Variants in ACOT8 observed in about 807,000 individuals in gnomAD.
The protein encoded by ACOT8 is acyl-coenzyme A thioesterase 8.
ACOT8 carries 31 observed loss-of-function variants against 38.4 expected under a neutral mutation model. The observed-to-expected ratio is 0.81, with a 90% CI of 0.61 to 1.09. The LOEUF (loss-of-function observed/expected upper bound fraction) is 1.09, where lower values mean the gene tolerates loss of function less well. Among genes scored for constraint, ACOT8 ranks in the 50% least tolerant of loss-of-function variants. The probability of loss-of-function intolerance (pLI) is 0.00; values close to 1 mark genes in which losing one functional copy is unlikely to be tolerated. For synonymous variants in ACOT8, 158 were observed against 170.3 expected (o/e 0.93, Z 0.56); for missense variants, 373 against 421.8 (o/e 0.88, Z 1.01).
chr20:45,857,226 G>C lies in ACOT8; in HGVS notation c.90C>G (p.Thr30=), dbSNP rs776224782. Residue 30 remains threonine (T), a synonymous_variant, in exon 1 of 6, where the codon ACC becomes ACG. Coordinates refer to ENST00000217455, the MANE Select transcript of ACOT8 (RefSeq NM_005469.4). ...CGTCCAGCGGCTCGAGGTTGAGCAC[G>C]GTCGTGACCAAGACGCTACGGAGGT... ...PGDLRSVLVT[T]VLNLEPLDED... The C allele has an allele frequency of 3.1e-6, 5 of 1,613,668 alleles. No homozygotes were observed. In the South Asian group the frequency reaches 5.5e-5, roughly 18 times the overall value.
intron 2 of ACOT8, among the ~76,000 whole-genome samples, chr20:45,854,303 G>T (rs185605388): frequency 2.3e-5 from 3 of 132,960 alleles, no homozygotes; most frequent in Admixed American, 7.3e-5. Context: ...TCCGCCTTCC[G>T]GGTTCACACC....
intron 2 of ACOT8, among the ~76,000 whole-genome samples, chr20:45,853,226 AAAG>A (rs1985177852): frequency 6.6e-6 from 1 of 152,254 alleles, no homozygotes; most frequent in Non-Finnish European, 1.5e-5. Context: ...AGAGCGAAGC[AAAG>A]AAGCAGGAAA....
rs754407700 is a variant in ACOT8 at position 45,848,609 on chromosome 20, C to A, written c.329G>T (p.Arg110Leu). The A allele has an allele frequency of 6.2e-7, 1 of 1,613,772 alleles. No homozygotes were observed. The highest frequency in any genetic ancestry group is 2.2e-5 in the East Asian group (1 of 44,870). Residue 110 changes from arginine (R) to leucine (L), a missense_variant, in exon 3 of 6, where the codon CGC (arginine) becomes CTC (leucine). By Grantham distance (102) the Arg-to-Leu change is moderately radical (BLOSUM62 -2). Coordinates refer to ENST00000217455, the MANE Select transcript of ACOT8 (RefSeq NM_005469.4). The part of the protein sequence containing the change: ...RTRTGSSFSV[R>L]SVKAVQHGKP... ...CCCATGTTGCACGGCCTTCACAGAG[C>A]GCACCGAGAAGCTCGACCCTGTTCG...
intron 5 of ACOT8, 168 bp downstream of exon 5, chr20:45,843,359 C>T (rs886792316): frequency 2.1e-5 from 19 of 918,984 alleles, no homozygotes; most frequent in African/African-American, 1.5e-4. Flanking sequence ...GCAGGTGTCC[C>T]GGCCTCACCC....
chr20:45,842,729 A>G, intron 5 of ACOT8: 1 of 989,486 alleles, frequency 1.0e-6, no homozygotes, highest in Non-Finnish European at 1.2e-6. Context: ...TGAAATCCAG[A>G]GAGGGTCAGG....
intron 2 of ACOT8, chr20:45,853,986 TG>T (rs1407829500): frequency 2.3e-6 from 3 of 1,303,646 alleles, no homozygotes; most frequent in South Asian, 2.5e-5. Context: ...GCATCTGCTC[TG>T]GGGGTAACAG....
intron 2 of ACOT8, among the ~76,000 whole-genome samples, chr20:45,849,804 G>T (rs947953379): frequency 4.0e-4 from 61 of 152,138 alleles, no homozygotes; most frequent in Non-Finnish European, 1.5e-4. Context: ...TTTTGGCAGA[G>T]ACTTAGAGGC....
chr20:45,847,346 G>A (rs941197390), intron 3 of ACOT8, among the ~76,000 whole-genome samples: 2 of 152,240 alleles, frequency 1.3e-5, no homozygotes, highest in South Asian at 2.1e-4. Flanking sequence ...GGGCCTGGGG[G>A]AGAGAGGGAA....
chr20:45,853,836 A>G (rs1198821967), intron 2 of ACOT8: 5 of 1,045,430 alleles, frequency 4.8e-6, no homozygotes, highest in African/African-American at 1.7e-5. Flanking sequence ...ACAGTATGAA[A>G]AAGTGTATTT....
intron 4 of ACOT8, 158 bp downstream of exon 4, chr20:45,844,104 AG>A: frequency 9.6e-7 from 1 of 1,038,256 alleles, no homozygotes; most frequent in South Asian, 1.4e-5. Context: ...CCCCATGCAA[AG>A]GGCTGAGAGG....
At chr20:45,853,375 C>G (rs1269024728) in intron 2 of ACOT8, 1 of 152,242 alleles carries the variant, frequency 6.6e-6, no homozygotes, top group Non-Finnish European at 1.5e-5. Flanking sequence ...GCCTGCCACC[C>G]ATGTTTACTT....
intron 5 of ACOT8, chr20:45,842,653 GCTCA>G: frequency 1.0e-6 from 1 of 990,708 alleles, no homozygotes; most frequent in Non-Finnish European, 1.2e-6. Flanking sequence ...ACATAGCAGA[GCTCA>G]CTCAGTTCTC....
intron 2 of ACOT8, among the ~76,000 whole-genome samples, chr20:45,849,333 G>A (rs1871222639): frequency 6.6e-6 from 1 of 152,162 alleles, no homozygotes; most frequent in African/African-American, 2.4e-5. Flanking sequence ...CACCCAGGCT[G>A]GAGTACAGTG....
chr20:45,856,398 G>A (rs1183768602), intron 1 of ACOT8, among the ~76,000 whole-genome samples: 2 of 152,206 alleles, frequency 1.3e-5, no homozygotes, highest in Non-Finnish European at 2.9e-5. Context: ...AAGCCTTGCT[G>A]CAGGGGGCTG....
chr20:45,843,851 A>G (rs1384342036), intron 4 of ACOT8, 130 bp from the exon 5 acceptor site: 1 of 1,449,886 alleles, frequency 6.9e-7, no homozygotes, highest in African/African-American at 1.4e-5. Context: ...CTTGGCCTAC[A>G]GTGTGTGTGT....
chr20:45,857,127 G>T (rs1246893808), intron 1 of ACOT8, 61 bp downstream of exon 1: 1 of 1,561,584 alleles, frequency 6.4e-7, no homozygotes. Flanking sequence ...CCCGGGCGGC[G>T]GCAGTCAAGA....
chr20:45,842,474 T>TCATGAAAAATATCCCCACTACCACCAC, intron 5 of ACOT8: 1 of 1,033,286 alleles, frequency 9.7e-7, no homozygotes, highest in Non-Finnish European at 1.2e-6. Context: ...AAGTGGTAAT[T>TCATGAAAAATATCCCCACTACCACCAC]CATGAAAAAT....
At chr20:45,842,379 C>T (rs930150742) in intron 5 of ACOT8, 22 of 1,281,038 alleles carry the variant, frequency 1.7e-5, no homozygotes, top group Middle Eastern at 3.0e-4. Context: ...TTCAACAGCT[C>T]GGCCAAGCAG....
chr20:45,843,900 A>G, intron 4 of ACOT8, 179 bp from the exon 5 acceptor site: 1 of 1,246,560 alleles, frequency 8.0e-7, no homozygotes, highest in Non-Finnish European at 1.1e-6. Flanking sequence ...TGGGGAGGGC[A>G]GGGGTGAGCA....
Sources: allele counts gnomAD v4.1 joint callset (sites outside exome capture counted in the v4.1 genomes callset), GRCh38; gene constraint gnomAD v4.1.1; transcripts MANE v1.5; gene names NCBI Gene and HGNC (gene_info 2026-07-23, HGNC 2026-07-21).